The following SNX29 variants were observed in gnomAD, a reference collection of about 807,000 sequenced individuals.
SNX29 encodes the protein sorting nexin 29, also known as sorting nexin-29.
In SNX29, 78 loss-of-function variants were observed where a neutral mutation model predicts 102.1. That is an observed-to-expected ratio of 0.76 (90% CI 0.64 to 0.92). The LOEUF is 0.92. SNX29 is among the 40% of genes least tolerant of loss of function. SNX29 has a pLI of 0.00. For missense variants in SNX29, 1,280 were observed against 1,061.7 expected (o/e 1.21, Z -2.86); for synonymous variants, 580 against 414.5 (o/e 1.40, Z -4.85).
chr16:12,001,757 C>G (rs932355595), intron 2 of SNX29, among the ~76,000 whole-genome samples: 2 of 152,122 alleles, frequency 1.3e-5, no homozygotes, highest in African/African-American at 4.8e-5. Context: ...GTGGCTCACA[C>G]CTGTAATCCC....
chr16:12,060,819 A>G (rs1200325559), intron 8 of SNX29: 5 of 456,226 alleles, frequency 1.1e-5, no homozygotes, highest in Admixed American at 7.0e-5. Flanking sequence ...GATGGCACGC[A>G]TTAGAGATTT....
intron 19 of SNX29, among the ~76,000 whole-genome samples, chr16:12,513,644 C>T (rs58594880): frequency 3.3e-3 from 498 of 152,320 alleles, no homozygotes; most frequent in African/African-American, 0.011. Flanking sequence ...CAGATGGGAG[C>T]CTCAGGACCT....
At chr16:11,977,142 C>G (rs2055319266) in intron 1 of SNX29, 1 of 320,142 alleles carries the variant, frequency 3.1e-6, no homozygotes, top group Non-Finnish European at 5.7e-6. Flanking sequence ...CCTCCCAGGT[C>G]TCAGTCTCTC....
intron 14 of SNX29, among the ~76,000 whole-genome samples, chr16:12,229,944 G>A (rs2077721976): frequency 6.6e-6 from 1 of 152,104 alleles, no homozygotes; most frequent in African/African-American, 2.4e-5. Flanking sequence ...TCTATAAAAG[G>A]CTGGATAGTA....
intron 11 of SNX29, among the ~76,000 whole-genome samples, chr16:12,094,282 G>GA (rs1266360837): frequency 6.6e-6 from 1 of 151,672 alleles, no homozygotes; most frequent in Non-Finnish European, 1.5e-5. Flanking sequence ...AGAAAAATTG[G>GA]AAAAAAAATC....
At chr16:12,188,483 T>C (rs919445641) in intron 13 of SNX29, among the ~76,000 whole-genome samples, 1 of 152,220 alleles carries the variant, frequency 6.6e-6, no homozygotes, top group African/African-American at 2.4e-5. Flanking sequence ...CTGACAAGTA[T>C]GATTCCGGCT....
At chr16:12,559,564 T>G (rs2078593597) in intron 20 of SNX29, among the ~76,000 whole-genome samples, 1 of 152,024 alleles carries the variant, frequency 6.6e-6, no homozygotes, top group Non-Finnish European at 1.5e-5. Context: ...AAAATTTTTC[T>G]TATACATAAC....
At chr16:12,541,788 A>C (rs2077354292) in intron 20 of SNX29, among the ~76,000 whole-genome samples, 1 of 152,128 alleles carries the variant, frequency 6.6e-6, no homozygotes, top group African/African-American at 2.4e-5. Flanking sequence ...ACCCCCTGGA[A>C]TGGAAAGGTT....
intron 20 of SNX29, among the ~76,000 whole-genome samples, chr16:12,552,526 A>G (rs550408157): frequency 3.9e-5 from 6 of 152,252 alleles, no homozygotes; most frequent in Admixed American, 3.9e-4. Flanking sequence ...ATGGGCCTTC[A>G]TTTCTCAGTG....
At chr16:12,505,680 G>T (rs2089339576) in intron 19 of SNX29, among the ~76,000 whole-genome samples, 1 of 132,940 alleles carries the variant, frequency 7.5e-6, no homozygotes, top group African/African-American at 2.9e-5. Flanking sequence ...GAGTCCTCCA[G>T]CTTTGTTCTT....
intron 14 of SNX29, among the ~76,000 whole-genome samples, chr16:12,249,555 C>T (rs7199914): frequency 0.04 from 6,087 of 152,226 alleles, 434 homozygotes; most frequent in African/African-American, 0.14. Flanking sequence ...ACTGGCATTA[C>T]CATAGGTAGA....
At chr16:12,559,015 C>T (rs1160196316) in intron 20 of SNX29, among the ~76,000 whole-genome samples, 1 of 152,162 alleles carries the variant, frequency 6.6e-6, no homozygotes, top group Non-Finnish European at 1.5e-5. Flanking sequence ...GGGAGAGAGA[C>T]AAAAGACTCC....
chr16:12,153,750 T>A (rs2055407389), intron 13 of SNX29, among the ~76,000 whole-genome samples: 1 of 152,026 alleles, frequency 6.6e-6, no homozygotes, highest in African/African-American at 2.4e-5. Flanking sequence ...AGTGCTGGGA[T>A]TATGGGAGTG....
intron 17 of SNX29, among the ~76,000 whole-genome samples, chr16:12,401,893 G>A (rs889741174): frequency 6.6e-6 from 1 of 152,312 alleles, no homozygotes. Flanking sequence ...ATACAGTGTG[G>A]TCAATGCACT....
chr16:12,329,754 G>T (rs908713820), intron 15 of SNX29, among the ~76,000 whole-genome samples: 1 of 152,220 alleles, frequency 6.6e-6, no homozygotes, highest in African/African-American at 2.4e-5. Flanking sequence ...TGAGGTGTTG[G>T]CACACATGCC....
chr16:12,494,398 C>A (rs1003491029), intron 19 of SNX29, among the ~76,000 whole-genome samples: 1 of 152,204 alleles, frequency 6.6e-6, no homozygotes, highest in Non-Finnish European at 1.5e-5. Flanking sequence ...TCAGACTCCG[C>A]GCACTGAGAG....
At chr16:12,421,390 G>A (rs2151587802) in intron 18 of SNX29, among the ~76,000 whole-genome samples, 1 of 152,322 alleles carries the variant, frequency 6.6e-6, no homozygotes, top group South Asian at 2.1e-4. Context: ...GAGACCAAAT[G>A]GGGCTTCAGT....
chr16:12,125,266 T>C (rs920390612), intron 11 of SNX29, among the ~76,000 whole-genome samples: 1 of 152,170 alleles, frequency 6.6e-6, no homozygotes, highest in African/African-American at 2.4e-5. Context: ...TCCCTTTCTT[T>C]CTTCTCCACC....
At chr16:12,564,146 G>A (rs560446779) in intron 20 of SNX29, among the ~76,000 whole-genome samples, 3 of 152,248 alleles carry the variant, frequency 2.0e-5, no homozygotes, top group Admixed American at 2.0e-4. Context: ...CCCAGCACTT[G>A]GGAGGCCTGA....
Sources: gnomAD v4.1 joint callset for allele counts (sites outside exome capture counted in the v4.1 genomes callset) on GRCh38, gnomAD v4.1.1 for gene constraint, MANE v1.5 for transcripts, NCBI Gene and HGNC (gene_info 2026-07-23, HGNC 2026-07-21) for gene names.